The following SCAPER variants were observed in gnomAD, a reference collection of about 807,000 sequenced individuals.
SCAPER encodes the protein S phase cyclin A-associated protein in the endoplasmic reticulum.
A neutral mutation model predicts 182.2 loss-of-function variants in SCAPER; 98 were observed. The ratio of observed to expected loss-of-function variants is 0.54; its 90% CI spans 0.46 to 0.64. The LOEUF (loss-of-function observed/expected upper bound fraction) is 0.64. Ranked by LOEUF, SCAPER falls within the 30% of genes least tolerant of loss-of-function variation. The pLI is 0.00. For synonymous variants in SCAPER, 605 were observed against 564.6 expected (o/e 1.07, Z -1.01); for missense variants, 1,432 against 1,690.0 (o/e 0.85, Z 2.68).
chr15:76,600,114 G>C (rs932662264), intron 22 of SCAPER, among the ~76,000 whole-genome samples: 1 of 120,602 alleles, frequency 8.3e-6, no homozygotes, highest in Admixed American at 9.6e-5. Context: ...TATATGTAGA[G>C]GATACATAAG....
intron 26 of SCAPER, among the ~76,000 whole-genome samples, chr15:76,409,895 C>T (rs1271676192): frequency 1.8e-4 from 27 of 152,010 alleles, no homozygotes; most frequent in Admixed American, 1.8e-3. Context: ...CTCAAGGGTC[C>T]TCCCACCTCA....
chr15:76,740,776 G>A (rs1243223766), intron 15 of SCAPER, among the ~76,000 whole-genome samples: 4 of 152,082 alleles, frequency 2.6e-5, no homozygotes, highest in Non-Finnish European at 5.9e-5. Flanking sequence ...GGTAAGCAAT[G>A]AGTCGATTTA....
intron 21 of SCAPER, among the ~76,000 whole-genome samples, chr15:76,659,675 A>G (rs1482934437): frequency 6.6e-6 from 1 of 152,228 alleles, no homozygotes; most frequent in Non-Finnish European, 1.5e-5. Flanking sequence ...CCATAATTAG[A>G]TATCATCTTA....
At chr15:76,708,001 T>C (rs58973160) in intron 17 of SCAPER, among the ~76,000 whole-genome samples, 58,050 of 151,932 alleles carry the variant, frequency 0.38, 13,095 homozygotes, top group Middle Eastern at 0.53. Context: ...AGCCCATGAA[T>C]CAAATAAGAA....
At chr15:76,634,443 T>A (rs2053422926) in intron 21 of SCAPER, among the ~76,000 whole-genome samples, 1 of 152,148 alleles carries the variant, frequency 6.6e-6, no homozygotes, top group African/African-American at 2.4e-5. Flanking sequence ...CCCCCTTCTA[T>A]ATAAATTTTA....
At chr15:76,879,327 G>A (rs971569754) in intron 2 of SCAPER, among the ~76,000 whole-genome samples, 3 of 152,064 alleles carry the variant, frequency 2.0e-5, no homozygotes, top group Admixed American at 6.5e-5. Context: ...TGTGGTTCTA[G>A]GTAAGCACCT....
At chr15:76,443,495 A>G (rs1051979065) in intron 25 of SCAPER, among the ~76,000 whole-genome samples, 1 of 152,222 alleles carries the variant, frequency 6.6e-6, no homozygotes, top group East Asian at 1.9e-4. Flanking sequence ...TCAGCAGTTT[A>G]CAAATGGATA....
Position 76,841,755 on chromosome 15 carries a change from A to G in SCAPER, c.372T>C (p.Asp124=). 1.2e-6 allele frequency: 2 copies of G among 1,613,906 alleles called. No individual in the cohort carries two copies. The highest frequency in any genetic ancestry group is 2.2e-5 in the South Asian group (2 of 91,078). The change falls in exon 5 of 32, where the codon GAT becomes GAC. Residue 124 remains aspartate (D), a synonymous_variant. Transcript: ENST00000563290. ...TTACCTTACATTCGACCACACTCTGATCTGATTCGCAAGTTACATAGATTT... is the reference window on the plus strand; with the variant it reads ...TTACCTTACATTCGACCACACTCTGGTCTGATTCGCAAGTTACATAGATTT... ...VDEIYVTCES[D]QSVVECKEVL...
At chr15:76,588,446 A>G (rs1455022289) in intron 22 of SCAPER, among the ~76,000 whole-genome samples, 1 of 152,184 alleles carries the variant, frequency 6.6e-6, no homozygotes, top group African/African-American at 2.4e-5. Context: ...TTTGCATGGA[A>G]TGTCTTTTTC....
intron 23 of SCAPER, among the ~76,000 whole-genome samples, chr15:76,538,191 T>C (rs1188171427): frequency 3.5e-5 from 5 of 144,142 alleles, no homozygotes; most frequent in African/African-American, 1.3e-4. Context: ...AGAAATACCA[T>C]TTGACCCAGC....
chr15:76,905,217 C>T, intron 1 of SCAPER, 82 bp downstream of exon 1: 1 of 169,596 alleles, frequency 5.9e-6, no homozygotes. Flanking sequence ...GTCCCCTGGT[C>T]CCCGCAAGGC....
chr15:76,827,225 G>A (rs574464479), intron 5 of SCAPER, among the ~76,000 whole-genome samples: 1 of 152,150 alleles, frequency 6.6e-6, no homozygotes, highest in East Asian at 1.9e-4. Flanking sequence ...CTGAGATTAA[G>A]TCCAACAAAA....
intron 24 of SCAPER, among the ~76,000 whole-genome samples, chr15:76,486,590 A>G (rs938642104): frequency 2.0e-5 from 3 of 152,248 alleles, no homozygotes; most frequent in African/African-American, 7.2e-5. Context: ...TGCAGCCAAC[A>G]ATCATATGAA....
chr15:76,468,559 T>C (rs949336468), intron 25 of SCAPER, among the ~76,000 whole-genome samples: 1 of 152,048 alleles, frequency 6.6e-6, no homozygotes, highest in African/African-American at 2.4e-5. Flanking sequence ...ACCCACAAGC[T>C]CCAGGCCCAT....
At chr15:76,755,598 G>A (rs2062373623) in intron 14 of SCAPER, among the ~76,000 whole-genome samples, 1 of 152,074 alleles carries the variant, frequency 6.6e-6, no homozygotes, top group Non-Finnish European at 1.5e-5. Context: ...CTCTGAGATG[G>A]TGCCCACTAA....
At chr15:76,753,349 T>C (rs1271234139) in intron 15 of SCAPER, among the ~76,000 whole-genome samples, 2 of 151,850 alleles carry the variant, frequency 1.3e-5, no homozygotes, top group Admixed American at 1.3e-4. Context: ...GTAACTGTTA[T>C]GAGGGAAAGC....
intron 20 of SCAPER, among the ~76,000 whole-genome samples, chr15:76,668,684 C>T (rs1472223278): frequency 6.6e-6 from 1 of 152,180 alleles, no homozygotes; most frequent in Non-Finnish European, 1.5e-5. Flanking sequence ...CCTAACATTA[C>T]ATAATCATTT....
At chr15:76,726,156 A>ATATATATATAAAT (rs56986282) in intron 17 of SCAPER, among the ~76,000 whole-genome samples, 2 of 79,722 alleles carry the variant, frequency 2.5e-5, no homozygotes, top group African/African-American at 1.0e-4. Flanking sequence ...TATATATATA[A>ATATATATATAAAT]AAAACTCTAT....
intron 21 of SCAPER, among the ~76,000 whole-genome samples, chr15:76,647,510 C>T (rs537736822): frequency 1.6e-4 from 25 of 152,132 alleles, no homozygotes; most frequent in Non-Finnish European, 2.4e-4. Context: ...AGCTACATAT[C>T]GGGGAAGGGT....
Sources: allele counts gnomAD v4.1 joint callset (sites outside exome capture counted in the v4.1 genomes callset), GRCh38; gene constraint gnomAD v4.1.1; transcripts MANE v1.5; gene names NCBI Gene and HGNC (gene_info 2026-07-23, HGNC 2026-07-21).